The following PRKAG2 variants were observed in gnomAD, a reference collection of about 807,000 sequenced individuals.
The protein encoded by PRKAG2 is 5'-AMP-activated protein kinase subunit gamma-2.
Under a neutral mutation model 69.6 loss-of-function variants are expected in PRKAG2, and 26 were observed. The observed-to-expected ratio is 0.37, with a 90% CI of 0.27 to 0.52. The LOEUF (loss-of-function observed/expected upper bound fraction) is 0.52, where lower values mean the gene tolerates loss of function less well. PRKAG2 is among the 20% of genes least tolerant of loss of function. The probability of loss-of-function intolerance (pLI) is 0.90; values close to 1 mark genes in which losing one functional copy is unlikely to be tolerated. For missense variants in PRKAG2, 557 were observed against 740.0 expected (o/e 0.75, Z 2.87); for synonymous variants, 293 against 285.0 (o/e 1.03, Z -0.28).
chr7:151,581,137 T>C (rs1260268249), intron 6 of PRKAG2, among the ~76,000 whole-genome samples: 2 of 151,618 alleles, frequency 1.3e-5, no homozygotes, highest in African/African-American at 4.9e-5. Flanking sequence ...AGGAGAAAAA[T>C]GGGTTAAACA....
intron 3 of PRKAG2, among the ~76,000 whole-genome samples, chr7:151,712,087 T>G (rs1162738140): frequency 6.6e-6 from 1 of 152,200 alleles, no homozygotes; most frequent in Non-Finnish European, 1.5e-5. Flanking sequence ...GAATGTCAGG[T>G]GCCACCAGGG....
chr7:151,873,894 C>G (rs1193491147), intron 1 of PRKAG2, among the ~76,000 whole-genome samples: 1 of 152,094 alleles, frequency 6.6e-6, no homozygotes, highest in Non-Finnish European at 1.5e-5. Context: ...AATGGCCCAA[C>G]CACTGGACAA....
At chr7:151,778,474 T>C (rs939224313) in intron 3 of PRKAG2, among the ~76,000 whole-genome samples, 3 of 152,180 alleles carry the variant, frequency 2.0e-5, no homozygotes, top group Non-Finnish European at 4.4e-5. Flanking sequence ...CAGGTACTCC[T>C]TTATAGCAAT....
At chr7:151,658,024 G>A (rs930985389) in intron 4 of PRKAG2, among the ~76,000 whole-genome samples, 5 of 151,932 alleles carry the variant, frequency 3.3e-5, no homozygotes, top group Non-Finnish European at 4.4e-5. Context: ...TGGGCATGGT[G>A]GCGCACGCAT....
chr7:151,648,431 G>A (rs747264637), intron 4 of PRKAG2, among the ~76,000 whole-genome samples: 4 of 152,154 alleles, frequency 2.6e-5, no homozygotes, highest in Non-Finnish European at 5.9e-5. Flanking sequence ...GAAAACTGGT[G>A]TGTGAGAACA....
In PRKAG2 at chr7:151,623,264, T is replaced by C. The variant is rs1019986102; in HGVS notation, c.754+8805A>G. ...CTGTAATCCCAGTTACTTGAGAGGC[T>C]GAGGCAGGAGAATCGCTGGAACCTG... On this transcript the variant is annotated intron_variant, in intron 5 of 15. Coordinates refer to ENST00000287878, the MANE Select transcript of PRKAG2 (RefSeq NM_016203.4). 2.8e-5 allele frequency among the ~76,000 whole-genome samples: 4 copies of C among 143,988 alleles called. No individual in the cohort carries two copies. The Admixed American group carries it at 3.0e-4, about 11-fold the overall frequency. 94.5% of individuals were successfully genotyped at this position (143,988 alleles called of 152,430 possible). A position where few individuals can be genotyped will look rare whatever the true frequency, so the allele number is the denominator to read the frequency against.
intron 5 of PRKAG2, among the ~76,000 whole-genome samples, chr7:151,629,378 T>C (rs957893588): frequency 1.3e-5 from 2 of 152,136 alleles, no homozygotes; most frequent in Admixed American, 1.3e-4. Context: ...GCTATTCTTA[T>C]GCACAGAGAG....
intron 1 of PRKAG2, among the ~76,000 whole-genome samples, chr7:151,859,956 G>T (rs995462998): frequency 1.3e-5 from 2 of 152,172 alleles, no homozygotes; most frequent in Non-Finnish European, 2.9e-5. Context: ...GGACACGAGT[G>T]CCCATCTTCT....
intron 3 of PRKAG2, among the ~76,000 whole-genome samples, chr7:151,707,476 C>T (rs1243200582): frequency 6.6e-6 from 1 of 152,036 alleles, no homozygotes; most frequent in Non-Finnish European, 1.5e-5. Flanking sequence ...GCCTGCATTT[C>T]AGCTTCCAGA....
intron 3 of PRKAG2, among the ~76,000 whole-genome samples, chr7:151,720,603 C>T (rs7793421): frequency 6.9e-6 from 1 of 144,850 alleles, no homozygotes; most frequent in Non-Finnish European, 1.5e-5. Flanking sequence ...GCTCCAGAGC[C>T]CGTCCAGATG....
At position 151,614,548 on chromosome 7, in the gene PRKAG2, C is replaced by G. The variant is rs981337518; in HGVS notation, c.754+17521G>C. On this transcript the variant is annotated intron_variant, in intron 5 of 15. Coordinates refer to ENST00000287878, the MANE Select transcript of PRKAG2 (RefSeq NM_016203.4). This position sits in a 1 kb window ranked among gnomAD's most constrained non-coding sequence, Gnocchi z 4.4. ...ATCGTGACTCTCCGTCCCATCCCTG[C>G]GTGCTCTCCTTCACCTCCGCCCCTC... Among the ~76,000 whole-genome samples, 5 of 152,132 alleles carry G rather than the reference C, an allele frequency of 3.3e-5. No homozygotes were observed. Among genetic ancestry groups the G allele is most frequent in the African/African-American group, 1.2e-4 (5 of 41,440 alleles).
intron 1 of PRKAG2, among the ~76,000 whole-genome samples, chr7:151,826,166 C>T (rs1383614043): frequency 6.6e-6 from 1 of 151,684 alleles, no homozygotes; most frequent in African/African-American, 2.4e-5. Flanking sequence ...TCCTGACTTC[C>T]AGTTCCACTT....
In PRKAG2 at chr7:151,814,103, G is replaced by A. The variant is rs2078561417; in HGVS notation, c.115-27562C>T. Among the ~76,000 whole-genome samples the A allele has an allele frequency of 6.6e-6, 1 of 152,208 alleles. No homozygotes were observed. Among genetic ancestry groups the A allele is most frequent in the Non-Finnish European group, 1.5e-5 (1 of 68,040 alleles). ...TGAGGCAGCTCTGCTCAGCCTGGCA[G>A]GGGAGGAGAGACAGACTCAGAGAGG... On this transcript the variant is annotated intron_variant, in intron 1 of 15. Coordinates refer to ENST00000287878, the MANE Select transcript of PRKAG2 (RefSeq NM_016203.4). The surrounding 1 kb of genome is among the most constrained non-coding windows in gnomAD (Gnocchi z 4.8).
At chr7:151,615,437 T>C (rs1287183610) in intron 5 of PRKAG2, among the ~76,000 whole-genome samples, 1 of 152,182 alleles carries the variant, frequency 6.6e-6, no homozygotes, top group Non-Finnish European at 1.5e-5. Context: ...AAGACTTAAA[T>C]GTAAAATTGA....
At chr7:151,858,892 T>G (rs1346747032) in intron 1 of PRKAG2, among the ~76,000 whole-genome samples, 2 of 152,152 alleles carry the variant, frequency 1.3e-5, no homozygotes, top group African/African-American at 2.4e-5. Flanking sequence ...GGAGTCTTGA[T>G]GGAGCTGACG....
intron 15 of PRKAG2, chr7:151,558,751 C>T: frequency 1.0e-6 from 1 of 985,374 alleles, no homozygotes; most frequent in South Asian, 4.7e-5. Context: ...AACATACATT[C>T]CAAATTCCAG....
In PRKAG2 at chr7:151,786,491, G is replaced by A. The variant is rs202056358; in HGVS notation, c.165C>T (p.Ser55=). The A allele has an allele frequency of 1.1e-5, 18 of 1,612,690 alleles. No individual in the cohort carries two copies. In the African/African-American group the frequency reaches 1.2e-4, roughly 11 times the overall value. ...MPLLDGDLEG[S]GKHSSRKVDS... is the part of the protein sequence containing the mutation. ...TTACCTTTCGAGAGGAATGCTTTCC[G>A]GAACCCTCCAGGTCTCCGTCCAGGA... Residue 55 remains serine, a synonymous_variant, in exon 2 of 16, where the codon TCC becomes TCT. Coordinates refer to ENST00000287878, the MANE Select transcript of PRKAG2 (RefSeq NM_016203.4).
chr7:151,633,552 G>C (rs1825190324), intron 4 of PRKAG2, among the ~76,000 whole-genome samples: 1 of 151,434 alleles, frequency 6.6e-6, no homozygotes, highest in South Asian at 2.1e-4. Flanking sequence ...TAGTGAGTTT[G>C]GTAAGGTCAT....
chr7:151,844,840 G>A lies in PRKAG2; in HGVS notation c.114+31667C>T, dbSNP rs1004915449. 3.3e-5 allele frequency among the ~76,000 whole-genome samples: 5 copies of A among 152,138 alleles called. No individual in the cohort carries two copies. In the East Asian group the frequency reaches 7.7e-4, roughly 23 times the overall value. On this transcript the variant is annotated intron_variant, in intron 1 of 15. Coordinates refer to ENST00000287878, the MANE Select transcript of PRKAG2 (RefSeq NM_016203.4). ...TAAGTATTTACTGGATGAATAAATC[G>A]GTATCATTCCATGCAATTGTTGTCA...
Sources: allele counts gnomAD v4.1 joint callset (sites outside exome capture counted in the v4.1 genomes callset), GRCh38; gene constraint gnomAD v4.1.1; non-coding constraint Gnocchi (gnomAD v3.1); transcripts MANE v1.5; gene names NCBI Gene and HGNC (gene_info 2026-07-23, HGNC 2026-07-21).